Variants in IL16 observed in about 807,000 individuals in gnomAD.
The protein encoded by IL16 is interleukin 16, also known as pro-interleukin-16.
Under a neutral mutation model 110.1 loss-of-function variants are expected in IL16, and 67 were observed. That is an observed-to-expected ratio of 0.61 (90% CI 0.50 to 0.75). The LOEUF (loss-of-function observed/expected upper bound fraction) is 0.75. IL16 is among the 30% of genes least tolerant of loss of function. IL16 has a pLI of 0.00. For missense variants in IL16, 1,545 were observed against 1,655.0 expected (o/e 0.93, Z 1.15); for synonymous variants, 689 against 662.9 (o/e 1.04, Z -0.61).
At chr15:81,296,388 C>T (rs1042398148) in intron 12 of IL16, among the ~76,000 whole-genome samples, 30 of 152,340 alleles carry the variant, frequency 2.0e-4, no homozygotes, top group Non-Finnish European at 3.7e-4. Context: ...CCCTAGGTGC[C>T]ACAGAGGGGA....
chr15:81,267,380 A>G (rs1898428470), intron 4 of IL16, among the ~76,000 whole-genome samples: 1 of 152,166 alleles, frequency 6.6e-6, no homozygotes, highest in African/African-American at 2.4e-5. Flanking sequence ...TCAACTCCTC[A>G]AAGTTTAGGA....
rs552305011 is a variant in IL16 at position 81,259,973 on chromosome 15, G to T, written c.421+93G>T. On this transcript the variant is annotated intron_variant, in intron 3 of 18. Coordinates refer to ENST00000683961, the MANE Select transcript of IL16 (RefSeq NM_172217.5). ...AGGATAGCGGCTCTCTTCTGGTCCA[G>T]TTGGAGTAAACTAGCATTGGAGTCT... 106 of 795,360 alleles carry T rather than the reference G, an allele frequency of 1.3e-4. 1 individual carries two copies. In the Admixed American group the frequency reaches 2.1e-3, roughly 16 times the overall value. The allele number at this position is 795,360 out of a possible 1,614,324, so 49.3% of individuals were successfully genotyped here. A position where few individuals can be genotyped will look rare whatever the true frequency, so the allele number is the denominator to read the frequency against.
intron 18 of IL16, among the ~76,000 whole-genome samples, chr15:81,308,199 A>G (rs2141651030): frequency 6.6e-6 from 1 of 152,300 alleles, no homozygotes; most frequent in Middle Eastern, 3.4e-3. Context: ...ATACCACCCA[A>G]TGCTGATGTC....
chr15:81,186,188 G>A (rs975794103), intron 1 of IL16, among the ~76,000 whole-genome samples: 1 of 152,198 alleles, frequency 6.6e-6, no homozygotes, highest in African/African-American at 2.4e-5. Context: ...TTCAGCACCA[G>A]GCATTGATTT....
intron 1 of IL16, among the ~76,000 whole-genome samples, chr15:81,210,891 T>A (rs747175318): frequency 2.0e-5 from 3 of 152,086 alleles, no homozygotes; most frequent in Non-Finnish European, 2.9e-5. Context: ...TGAATAGGAG[T>A]GGTGAGAGTG....
intron 9 of IL16, among the ~76,000 whole-genome samples, chr15:81,283,357 AC>A (rs1899282478): frequency 2.7e-5 from 4 of 150,574 alleles, no homozygotes; most frequent in African/African-American, 4.9e-5. Context: ...CAAAAAAAAA[AC>A]CCCAAAAACC....
At chr15:81,291,820 C>T (rs1899730245) in intron 11 of IL16, 1 of 432,178 alleles carries the variant, frequency 2.3e-6, no homozygotes. Flanking sequence ...ATAGTGACTT[C>T]TTCGTGTAAG....
At chr15:81,225,113 C>T (rs901762486) in intron 1 of IL16, among the ~76,000 whole-genome samples, 186 bp from the exon 2 acceptor site, 1 of 152,118 alleles carries the variant, frequency 6.6e-6, no homozygotes, top group Non-Finnish European at 1.5e-5. Flanking sequence ...TGGGTGTTAA[C>T]CGCTTGGGTT....
At chr15:81,304,160 C>T (rs1900434242) in intron 16 of IL16, among the ~76,000 whole-genome samples, 1 of 152,244 alleles carries the variant, frequency 6.6e-6, no homozygotes, top group South Asian at 2.1e-4. Flanking sequence ...CTGGCATGTT[C>T]CTGCGTGTCA....
intron 8 of IL16, among the ~76,000 whole-genome samples, chr15:81,282,004 T>C (rs1426513566): frequency 6.6e-6 from 1 of 152,198 alleles, no homozygotes; most frequent in Non-Finnish European, 1.5e-5. Flanking sequence ...TTCACAGTTC[T>C]CCTATGGCAT....
chr15:81,265,671 A>G lies in IL16; in HGVS notation c.434A>G (p.Tyr145Cys), dbSNP rs1337304212. 5 of 1,613,936 alleles carry G rather than the reference A, an allele frequency of 3.1e-6. No individual in the cohort carries two copies. The highest frequency in any genetic ancestry group is 4.2e-6 in the Non-Finnish European group (5 of 1,179,968). The stretch of plus-strand genomic sequence containing the variant: ...TCTTCTGGTTTAGGTGTTAATCCCT[A>G]TTGCACAAGAGAAATTGATTTTCCA... ...ARSNSTSVNP[Y>C]CTREIDFPMT... is the part of the protein sequence containing the mutation. The change falls in exon 4 of 19, where the codon TAT (tyrosine) becomes TGT (cysteine). Residue 145 changes from tyrosine to cysteine, a missense_variant. By Grantham distance (194) the Tyr-to-Cys change is radical (BLOSUM62 -2). This residue lies in a region of IL16 where 1,185 missense variants were observed against 1,238.8 expected (regional missense o/e 0.96). Transcript: ENST00000683961.
At position 81,279,821 on chromosome 15, in the gene IL16, G is replaced by C. The variant is rs200383193; in HGVS notation, c.1081+47G>C. On this transcript the variant is annotated intron_variant, in intron 8 of 18. Coordinates refer to ENST00000683961, the MANE Select transcript of IL16 (RefSeq NM_172217.5). ...CCCGTGCCTGGGTCTCCCAGCACTG[G>C]CTGAGTCTCCCAGGCTTTCCTCACT... 9 of 1,521,670 alleles carry C rather than the reference G, an allele frequency of 5.9e-6. No homozygotes were observed. The Admixed American group carries it at 1.6e-4, about 26-fold the overall frequency. The allele number at this position is 1,521,670 out of a possible 1,614,324, so 94.3% of individuals were successfully genotyped here.
chr15:81,292,461 G>A lies in IL16; in HGVS notation c.1421-95G>A, dbSNP rs151116933. The A allele has an allele frequency of 2.6e-4, 397 of 1,555,312 alleles. No homozygotes were observed. The African/African-American group carries it at 4.8e-3, about 19-fold the overall frequency. ...CAGATAAGAAGCAGATGGCCGATGT[G>A]CAGTGTGCTGCCCGTGGCAGTCACA... is the stretch of plus-strand genomic sequence containing the variant. On this transcript the variant is annotated intron_variant, in intron 11 of 18. Transcript: ENST00000683961.
intron 15 of IL16, among the ~76,000 whole-genome samples, chr15:81,302,823 C>T (rs1319985775): frequency 2.0e-5 from 3 of 152,178 alleles, no homozygotes; most frequent in Non-Finnish European, 4.4e-5. Context: ...GTAGAGCTGA[C>T]CCTTTGAGCA....
intron 1 of IL16, among the ~76,000 whole-genome samples, chr15:81,214,175 C>T: frequency 6.6e-6 from 1 of 151,962 alleles, no homozygotes; most frequent in Non-Finnish European, 1.5e-5. Flanking sequence ...TTTTAGCTTT[C>T]TTTCACTTAT....
chr15:81,283,598 A>G (rs559439277), intron 9 of IL16, among the ~76,000 whole-genome samples: 16 of 152,236 alleles, frequency 1.1e-4, no homozygotes, highest in Non-Finnish European at 1.9e-4. Context: ...CCAGTCCAAC[A>G]TAGAAAACAC....
intron 6 of IL16, among the ~76,000 whole-genome samples, chr15:81,278,277 G>A (rs144870879): frequency 4.7e-4 from 71 of 152,214 alleles, no homozygotes; most frequent in African/African-American, 1.6e-3. Flanking sequence ...GTGACTGAGG[G>A]TGCAGGCCAT....
intron 4 of IL16, among the ~76,000 whole-genome samples, chr15:81,268,283 A>C (rs1424071589): frequency 6.6e-6 from 1 of 151,998 alleles, no homozygotes; most frequent in African/African-American, 2.4e-5. Flanking sequence ...AATAAAGAAA[A>C]CATGCATTCC....
At chr15:81,220,138 G>C (rs889106395) in intron 1 of IL16, among the ~76,000 whole-genome samples, 5 of 152,120 alleles carry the variant, frequency 3.3e-5, no homozygotes, top group African/African-American at 1.2e-4. Context: ...TCCTATTAAA[G>C]ATACTTCTTT....
Sources: gnomAD v4.1 joint callset for allele counts (sites outside exome capture counted in the v4.1 genomes callset) on GRCh38, gnomAD v4.1.1 for gene constraint, gnomAD v4.1.1 regional missense constraint, MANE v1.5 for transcripts, NCBI Gene and HGNC (gene_info 2026-07-23, HGNC 2026-07-21) for gene names.